Variants in SLC35D4 observed in about 807,000 individuals in gnomAD.
SLC35D4 encodes solute carrier family 35 member D4.
chr18:23,286,740 A>G, the SLC35D4 span, among the ~76,000 whole-genome samples: 1 of 150,910 alleles, frequency 6.6e-6, no homozygotes, highest in East Asian at 2.0e-4. Flanking sequence ...AAACTCCCCA[A>G]CTCTGGTGCC....
At chr18:23,353,076 AGTGTGTGTGTGT>A in the SLC35D4 span, among the ~76,000 whole-genome samples, 62 of 126,604 alleles carry the variant, frequency 4.9e-4, 1 homozygote, top group Admixed American at 5.8e-4. Flanking sequence ...TGAGACAGAC[AGTGTGTGTGTGT>A]GTGTGTGTGT....
the SLC35D4 span, among the ~76,000 whole-genome samples, chr18:23,398,018 T>G: frequency 6.6e-6 from 1 of 152,174 alleles, no homozygotes; most frequent in Non-Finnish European, 1.5e-5. Flanking sequence ...GCTGTGATTG[T>G]GCCACTGCAC....
At chr18:23,369,137 G>A in the SLC35D4 span, among the ~76,000 whole-genome samples, 27 of 152,276 alleles carry the variant, frequency 1.8e-4, no homozygotes, top group African/African-American at 6.3e-4. Context: ...AAAATTATTC[G>A]AGGCTTATCT....
At chr18:23,423,302 C>T in the SLC35D4 span, among the ~76,000 whole-genome samples, 1 of 152,218 alleles carries the variant, frequency 6.6e-6, no homozygotes, top group Non-Finnish European at 1.5e-5. Flanking sequence ...GTTTCACTGA[C>T]CCAGCCAAGC....
chr18:23,370,401 C>T, the SLC35D4 span: 2 of 722,776 alleles, frequency 2.8e-6, no homozygotes, highest in South Asian at 1.8e-5. Context: ...GAGTGTCACA[C>T]CCAGCTGACA....
the SLC35D4 span, chr18:23,356,522 C>T: frequency 1.3e-6 from 2 of 1,526,364 alleles, no homozygotes; most frequent in South Asian, 1.1e-5. The surrounding 1 kb of genome is among the most constrained non-coding windows in gnomAD (Gnocchi z 4.1). Context: ...CTAGCAGTGA[C>T]CCTGAACTTC....
chr18:23,386,822 G>GT, the SLC35D4 span, among the ~76,000 whole-genome samples: 1 of 151,748 alleles, frequency 6.6e-6, no homozygotes, highest in African/African-American at 2.4e-5. Context: ...TGGGACATTT[G>GT]TTAAGAGTGG....
chr18:23,356,613 G>A, the SLC35D4 span: 2 of 1,614,138 alleles, frequency 1.2e-6, no homozygotes, highest in Non-Finnish European at 1.7e-6. This position sits in a 1 kb window ranked among gnomAD's most constrained non-coding sequence, Gnocchi z 4.1. Flanking sequence ...CAGCTACCAT[G>A]GAATCTGTAG....
the SLC35D4 span, among the ~76,000 whole-genome samples, chr18:23,425,846 G>A: frequency 5.3e-5 from 8 of 152,160 alleles, no homozygotes; most frequent in Non-Finnish European, 8.8e-5. Flanking sequence ...AATAAATGAG[G>A]CTAGTATAAA....
the SLC35D4 span, chr18:23,437,680 G>A: frequency 1.6e-6 from 2 of 1,243,718 alleles, no homozygotes; most frequent in South Asian, 2.7e-5. Context: ...CCACCAGGAA[G>A]AATGAGGTAA....
chr18:23,248,017 A>AC, the SLC35D4 span, among the ~76,000 whole-genome samples: 2 of 152,236 alleles, frequency 1.3e-5, no homozygotes, highest in East Asian at 3.9e-4. Flanking sequence ...CCAGCTGCAG[A>AC]CCCCAAGAGC....
chr18:23,278,032 C>A, the SLC35D4 span, among the ~76,000 whole-genome samples: 1 of 152,188 alleles, frequency 6.6e-6, no homozygotes, highest in Non-Finnish European at 1.5e-5. Context: ...AGGAGGCTAG[C>A]CCAAGTCCAA....
At chr18:23,386,628 A>G in the SLC35D4 span, among the ~76,000 whole-genome samples, 2 of 151,384 alleles carry the variant, frequency 1.3e-5, no homozygotes, top group Admixed American at 6.6e-5. Context: ...TGAACTTGGT[A>G]CTGGCAGCGA....
chr18:23,361,364 G>C, the SLC35D4 span, among the ~76,000 whole-genome samples: 1 of 151,982 alleles, frequency 6.6e-6, no homozygotes, highest in African/African-American at 2.4e-5. Context: ...AAAGAATAAA[G>C]TTCTGTTCTA....
the SLC35D4 span, among the ~76,000 whole-genome samples, chr18:23,408,148 G>GACAC: frequency 1.6e-3 from 221 of 136,318 alleles, no homozygotes; most frequent in African/African-American, 5.6e-3. Flanking sequence ...ACTGGCCTGA[G>GACAC]ACACACACAC....
chr18:23,430,535 C>A, the SLC35D4 span: 1 of 1,054,588 alleles, frequency 9.5e-7, no homozygotes, highest in African/African-American at 1.6e-5. Flanking sequence ...GTCTATTTGA[C>A]AAAAAAAATC....
the SLC35D4 span, among the ~76,000 whole-genome samples, chr18:23,301,681 A>T: frequency 6.6e-6 from 1 of 152,236 alleles, no homozygotes; most frequent in African/African-American, 2.4e-5. Context: ...CCTTGTGCTT[A>T]AACTATTCCA....
At chr18:23,370,945 G>C in the SLC35D4 span, among the ~76,000 whole-genome samples, 8 of 152,102 alleles carry the variant, frequency 5.3e-5, no homozygotes, top group Non-Finnish European at 1.2e-4. Flanking sequence ...AACCAATCCA[G>C]AAAATGCCCA....
the SLC35D4 span, among the ~76,000 whole-genome samples, chr18:23,401,678 G>T: frequency 6.6e-6 from 1 of 152,170 alleles, no homozygotes; most frequent in Non-Finnish European, 1.5e-5. Flanking sequence ...TGGGTGAAAC[G>T]GCAGCTGGCC....
Sources: allele counts gnomAD v4.1 joint callset (sites outside exome capture counted in the v4.1 genomes callset), GRCh38; gene constraint gnomAD v4.1.1; non-coding constraint Gnocchi (gnomAD v3.1); transcripts MANE v1.5; gene names NCBI Gene and HGNC (gene_info 2026-07-23, HGNC 2026-07-21).